ARFGAP1: variants seen among roughly 807,000 people sequenced by gnomAD.
ARFGAP1 encodes ADP-ribosylation factor GTPase-activating protein 1.
ARFGAP1 carries 26 observed loss-of-function variants against 54.0 expected under a neutral mutation model. The observed-to-expected ratio is 0.48, with a 90% confidence interval of 0.35 to 0.67. The LOEUF (loss-of-function observed/expected upper bound fraction) is 0.67, where lower values mean the gene tolerates loss of function less well. Ranked by LOEUF, ARFGAP1 falls within the 30% of genes least tolerant of loss-of-function variation. The probability of loss-of-function intolerance (pLI) is 0.00; values close to 1 mark genes in which losing one functional copy is unlikely to be tolerated. For missense variants in ARFGAP1, 525 were observed against 535.8 expected, an observed-to-expected ratio of 0.98 and a Z score of 0.20; for synonymous variants, 248 against 211.9, an observed-to-expected ratio of 1.17 and a Z score of -1.48.
At chr20:63,277,790 G>A (rs1361587904) in intron 5 of ARFGAP1, among the ~76,000 whole-genome samples, 3 of 152,222 alleles carry the variant, frequency 2.0e-5, no homozygotes, top group African/African-American at 4.8e-5. Context: ...TGCTTCTGAC[G>A]GAAGGCTTTG....
chr20:63,281,377 C>A, intron 8 of ARFGAP1, 30 bp downstream of exon 8: 2 of 1,575,332 alleles, frequency 1.3e-6, no homozygotes, highest in Non-Finnish European at 1.7e-6. Context: ...ATGCCACCGT[C>A]CCCACCAGGC....
chr20:63,283,641 G>T, intron 9 of ARFGAP1: 1 of 488,560 alleles, frequency 2.0e-6, no homozygotes, highest in South Asian at 3.6e-5. Flanking sequence ...GGCCTCCCAG[G>T]GTCCTGAGGT....
intron 5 of ARFGAP1, among the ~76,000 whole-genome samples, chr20:63,277,674 A>G (rs2067269321): frequency 6.6e-6 from 1 of 152,158 alleles, no homozygotes; most frequent in African/African-American, 2.4e-5. Context: ...TGACCCCGTC[A>G]TGGATGCGTC....
Position 63,276,247 on chromosome 20 carries a change from C to T in ARFGAP1, c.170+47C>T. 2.5e-6 allele frequency: 4 copies of T among 1,598,048 alleles called. No homozygotes were observed. Among genetic ancestry groups the T allele is most frequent in the Non-Finnish European group, 3.4e-6 (4 of 1,166,724 alleles). ...CTCTGCGGAGAGCCTGCGGCCACCC[C>T]AGCATCTGTTCCTGACACCAGAGGT... On this transcript the variant is annotated intron_variant, in intron 3 of 12. Coordinates refer to ENST00000370283, the MANE Select transcript of ARFGAP1 (RefSeq NM_018209.4). This position sits in a 1 kb window ranked among gnomAD's most constrained non-coding sequence, Gnocchi z 5.2.
Position 63,276,598 on chromosome 20 carries a change from T to C in ARFGAP1, c.289T>C (p.Trp97Arg), listed in dbSNP as rs1194242417. ...LESQEDYDPCWSLQEKYNSRA... is the reference protein window; with the variant it reads ...LESQEDYDPCRSLQEKYNSRA... The stretch of plus-strand genomic sequence containing the variant: ...GTCTCAGGAGGATTACGATCCTTGC[T>C]GGTCCTTGCAGGAGAAGTACAACAG... The change falls in exon 4 of 13, where the codon TGG becomes CGG. Residue 97 changes from tryptophan to arginine, a missense_variant. By Grantham distance (101) the Trp-to-Arg change is moderately radical. Around this residue, in one of 3 missense-constraint regions of ARFGAP1, gnomAD observed 466 missense variants for 453.6 expected, o/e 1.03. Transcript: ENST00000370283. This position sits in a 1 kb window ranked among gnomAD's most constrained non-coding sequence, Gnocchi z 5.2. The C allele has an allele frequency of 1.2e-6, 2 of 1,614,004 alleles. No individual in the cohort carries two copies. Among genetic ancestry groups the C allele is most frequent in the Admixed American group, 3.3e-5 (2 of 60,024 alleles).
chr20:63,278,203 G>C lies in ARFGAP1; in HGVS notation c.530G>C (p.Gly177Ala). The change falls in exon 6 of 13, where the codon GGG (glycine) becomes GCG (alanine). Residue 177 changes from glycine (G) to alanine (A), a missense_variant and splice_region_variant. Physicochemically the swap from Gly to Ala is moderately conservative, Grantham distance 60. Transcript: ENST00000370283. ...AATGATGACCTCGGCTCCTATCAAG[G>C]GTAAGGACTTGAGAGCTGGGGACGC... ...WLNDDLGSYQ[G>A]AQGNRYVGFG... is the part of the protein sequence containing the mutation. 2 of 1,612,998 alleles carry C rather than the reference G, an allele frequency of 1.2e-6. No individual in the cohort carries two copies. Among genetic ancestry groups the C allele is most frequent in the Non-Finnish European group, 1.7e-6 (2 of 1,179,752 alleles).
chr20:63,284,560 C>T, intron 9 of ARFGAP1: 1 of 1,261,910 alleles, frequency 7.9e-7, no homozygotes, highest in Non-Finnish European at 1.0e-6. Context: ...GCACAGGCTC[C>T]ACAGGGCCTG....
At chr20:63,279,666 C>T (rs926941785) in intron 7 of ARFGAP1, among the ~76,000 whole-genome samples, 8 of 152,306 alleles carry the variant, frequency 5.3e-5, no homozygotes, top group Admixed American at 1.3e-4. Flanking sequence ...TCTCTGGCAG[C>T]GCTGGGAAGT....
intron 9 of ARFGAP1, chr20:63,283,488 G>A (rs759746983): frequency 1.3e-5 from 4 of 298,948 alleles, no homozygotes; most frequent in Non-Finnish European, 2.5e-5. Context: ...TCTAGGACGC[G>A]CCTTTGCCCC....
rs555173242 is a variant in ARFGAP1 at position 63,284,177 on chromosome 20, G to A, written c.718-689G>A. Reference sequence around the variant, plus strand: ...AACGCAGGCCTGCTGCCGGGGAGGTGCTGGAGGGAGGGCGGGGGCACTGGG... The same window carrying A: ...AACGCAGGCCTGCTGCCGGGGAGGTACTGGAGGGAGGGCGGGGGCACTGGG... On this transcript the variant is annotated intron_variant, in intron 9 of 12. Coordinates refer to ENST00000370283, the MANE Select transcript of ARFGAP1 (RefSeq NM_018209.4). The A allele has an allele frequency of 1.8e-5, 24 of 1,314,052 alleles. No homozygotes were observed. In the East Asian group the frequency reaches 7.5e-4, roughly 41 times the overall value. The allele number at this position is 1,314,052 out of a possible 1,614,324, so 81.4% of individuals were successfully genotyped here.
chr20:63,281,360 C>T lies in ARFGAP1; in HGVS notation c.684+13C>T, dbSNP rs1456228330. The stretch of plus-strand genomic sequence containing the variant: ...AGCCAAGGAGGGCGTAAGTCACTGC[C>T]CCTGCCATGCCACCGTCCCCACCAG... On this transcript the variant is annotated intron_variant, in intron 8 of 12. Coordinates refer to ENST00000370283, the MANE Select transcript of ARFGAP1 (RefSeq NM_018209.4). 4 of 1,590,116 alleles carry T rather than the reference C, an allele frequency of 2.5e-6. No homozygotes were observed. The highest frequency in any genetic ancestry group is 3.4e-6 in the Non-Finnish European group (4 of 1,173,200).
intron 6 of ARFGAP1, chr20:63,278,456 T>A (rs1222899049): frequency 8.1e-6 from 4 of 494,128 alleles, no homozygotes; most frequent in Admixed American, 6.8e-5. Context: ...GACCCCCAGC[T>A]GCCCAGGTGT....
chr20:63,286,506 GCT>G, intron 12 of ARFGAP1, 64 bp downstream of exon 12: 1 of 1,495,186 alleles, frequency 6.7e-7, no homozygotes. Flanking sequence ...CCTCCTACAG[GCT>G]CTCCAGGAGG....
intron 7 of ARFGAP1, among the ~76,000 whole-genome samples, chr20:63,280,109 T>C (rs1431230913): frequency 6.6e-6 from 1 of 151,926 alleles, no homozygotes; most frequent in African/African-American, 2.4e-5. Flanking sequence ...ACCATTGCAC[T>C]CCGACCTGGG....
At chr20:63,285,257 C>T (rs1347754112) in intron 10 of ARFGAP1, among the ~76,000 whole-genome samples, 5 of 152,170 alleles carry the variant, frequency 3.3e-5, no homozygotes, top group South Asian at 2.1e-4. Flanking sequence ...CACAGCTGGC[C>T]GCGGAGCTGT....
At chr20:63,279,150 C>A (rs1173087919) in intron 7 of ARFGAP1, 155 bp downstream of exon 7, 33 of 746,822 alleles carry the variant, frequency 4.4e-5, no homozygotes, top group East Asian at 1.1e-4. Flanking sequence ...CGTTTTCTTT[C>A]AAAAATGTGG....
intron 7 of ARFGAP1, among the ~76,000 whole-genome samples, chr20:63,279,702 CAG>C (rs1408407411): frequency 2.0e-5 from 3 of 152,206 alleles, no homozygotes; most frequent in African/African-American, 7.2e-5. Context: ...TGAGGTCACT[CAG>C]GGCCATTTCT....
intron 8 of ARFGAP1, among the ~76,000 whole-genome samples, chr20:63,282,363 G>A (rs1237988846): frequency 2.0e-5 from 3 of 152,226 alleles, no homozygotes; most frequent in Non-Finnish European, 2.9e-5. Flanking sequence ...TCCTCCCCCC[G>A]AGCTTTAAAG....
In ARFGAP1 at chr20:63,285,712, A is replaced by C; in HGVS notation, c.833A>C (p.Lys278Thr). The change falls in exon 11 of 13, where the codon AAG becomes ACG. Residue 278 changes from lysine (K) to threonine (T), a missense_variant and splice_region_variant. By Grantham distance (78) the Lys-to-Thr change is moderately conservative. This residue lies in a region of ARFGAP1 where 466 missense variants were observed against 453.6 expected (regional missense o/e 1.03). Transcript: ENST00000370283. ...AGTGGGGTCTCTCAGTTGGCGTCCAAGGTAGGGAGCCTGCCAGATACGCGG... is the reference window on the plus strand; with the variant it reads ...AGTGGGGTCTCTCAGTTGGCGTCCACGGTAGGGAGCCTGCCAGATACGCGG... Reference protein sequence around the residue: ...VSSGVSQLASKVQGVGSKGWR... With the variant: ...VSSGVSQLASTVQGVGSKGWR... The C allele has an allele frequency of 6.2e-7, 1 of 1,613,406 alleles. No homozygotes were observed. Among genetic ancestry groups the C allele is most frequent in the East Asian group, 2.2e-5 (1 of 44,874 alleles).
Sources: allele counts gnomAD v4.1 joint callset (sites outside exome capture counted in the v4.1 genomes callset), GRCh38; gene constraint gnomAD v4.1.1; regional missense constraint gnomAD v4.1.1; non-coding constraint Gnocchi (gnomAD v3.1); transcripts MANE v1.5; gene names NCBI Gene and HGNC (gene_info 2026-07-23, HGNC 2026-07-21).